The following PAM variants were observed in gnomAD, a reference collection of about 807,000 sequenced individuals.
The protein encoded by PAM is peptidyl-glycine alpha-amidating monooxygenase.
PAM carries 72 observed loss-of-function variants against 122.1 expected under a neutral mutation model. That is an observed-to-expected ratio of 0.59 (90% CI 0.49 to 0.72). The LOEUF is 0.72. Ranked by LOEUF, PAM falls within the 30% of genes least tolerant of loss-of-function variation. The pLI is 0.00. For missense variants in PAM, 1,106 were observed against 1,183.7 expected (o/e 0.93, Z 0.96); for synonymous variants, 389 against 404.4 (o/e 0.96, Z 0.46).
intron 3 of PAM, among the ~76,000 whole-genome samples, chr5:102,892,120 A>G (rs1161149049): frequency 6.6e-6 from 1 of 151,804 alleles, no homozygotes; most frequent in Non-Finnish European, 1.5e-5. Flanking sequence ...CTTCTGGGAA[A>G]GTGTCATTCT....
At chr5:102,875,997 C>G (rs1789058008) in intron 3 of PAM, among the ~76,000 whole-genome samples, 1 of 152,092 alleles carries the variant, frequency 6.6e-6, no homozygotes, top group South Asian at 2.1e-4. Flanking sequence ...ATCTTTGTTC[C>G]TTAGTTACCT....
intron 1 of PAM, among the ~76,000 whole-genome samples, chr5:102,799,467 G>T (rs1263980011): frequency 6.6e-6 from 1 of 152,104 alleles, no homozygotes; most frequent in African/African-American, 2.4e-5. Context: ...TCCAGAGTTG[G>T]ATACACCCAA....
chr5:102,959,897 T>C lies in PAM; in HGVS notation c.928T>C (p.Cys310Arg). Residue 310 changes from cysteine to arginine, a missense_variant, in exon 13 of 26, where the codon TGC (cysteine) becomes CGC (arginine). By Grantham distance (180) the Cys-to-Arg change is radical (BLOSUM62 -3). Around this residue, in one of 3 missense-constraint regions of PAM, gnomAD observed 670 missense variants for 690.3 expected, o/e 0.97. Coordinates refer to ENST00000438793, the MANE Select transcript of PAM (RefSeq NM_001177306.2). ...CAGTGGCACGTCTAGTGATGAAATG[T>C]GCAACTTATACATTATGTATTACAT... ...HIGGTSSDEMCNLYIMYYMEA... is the reference protein window; with the variant it reads ...HIGGTSSDEMRNLYIMYYMEA... The C allele has an allele frequency of 6.2e-7, 1 of 1,612,002 alleles. No individual in the cohort carries two copies. The highest frequency in any genetic ancestry group is 8.5e-7 in the Non-Finnish European group (1 of 1,178,578).
chr5:102,984,313 T>C (rs1770998289), intron 15 of PAM, among the ~76,000 whole-genome samples: 1 of 152,182 alleles, frequency 6.6e-6, no homozygotes, highest in Non-Finnish European at 1.5e-5. Context: ...GAGAAAAATA[T>C]AACCCAACTA....
At chr5:102,772,750 C>T (rs555779817) in intron 1 of PAM, among the ~76,000 whole-genome samples, 1 of 152,070 alleles carries the variant, frequency 6.6e-6, no homozygotes, top group South Asian at 2.1e-4. Context: ...TGAGAAATTA[C>T]ATTAATTTAT....
intron 1 of PAM, among the ~76,000 whole-genome samples, chr5:102,767,866 G>T (rs1160597237): frequency 6.6e-6 from 1 of 152,150 alleles, no homozygotes; most frequent in Non-Finnish European, 1.5e-5. Flanking sequence ...CTCTCAAGTA[G>T]ATGTTGGAAA....
At chr5:102,814,574 T>C (rs1209568180) in intron 1 of PAM, among the ~76,000 whole-genome samples, 1 of 146,298 alleles carries the variant, frequency 6.8e-6, no homozygotes, top group Admixed American at 6.8e-5. Context: ...TATATACATA[T>C]ATTGATATAT....
chr5:102,942,542 A>C (rs1755611986), intron 7 of PAM, among the ~76,000 whole-genome samples: 1 of 151,962 alleles, frequency 6.6e-6, no homozygotes, highest in African/African-American at 2.4e-5. Context: ...GGAGGGTGGG[A>C]AGATACGATA....
Position 102,949,965 on chromosome 5 carries a change from C to T in PAM, c.788C>T (p.Pro263Leu). Residue 263 changes from proline to leucine, a missense_variant, in exon 11 of 26, where the codon CCT (proline) becomes CTT (leucine). Pro to Leu is a moderately conservative substitution (Grantham distance 98). Transcript: ENST00000438793. ...TGGACACTGATTGGACGGCAGAGCC[C>T]TCAGCTGCCACAGGTGGGTAAAATC... Reference protein sequence around the residue: ...GQWTLIGRQSPQLPQAFYPVG... With the variant: ...GQWTLIGRQSLQLPQAFYPVG... The T allele has an allele frequency of 6.4e-7, 1 of 1,567,492 alleles. No individual in the cohort carries two copies. The highest frequency in any genetic ancestry group is 8.8e-7 in the Non-Finnish European group (1 of 1,138,510).
chr5:102,948,187 A>G (rs755388952), intron 8 of PAM, among the ~76,000 whole-genome samples, 191 bp from the exon 9 acceptor site: 4 of 152,204 alleles, frequency 2.6e-5, no homozygotes, highest in Non-Finnish European at 4.4e-5. Context: ...TAGCTATCAC[A>G]GGAACCATTT....
chr5:102,966,743 C>T (rs1385831657), intron 14 of PAM, among the ~76,000 whole-genome samples: 1 of 152,116 alleles, frequency 6.6e-6, no homozygotes, highest in Non-Finnish European at 1.5e-5. Context: ...ATCATGTTAA[C>T]TTGGTTACTT....
At chr5:102,901,514 T>A (rs1218507651) in intron 4 of PAM, 101 bp downstream of exon 4, 1 of 701,394 alleles carries the variant, frequency 1.4e-6, no homozygotes, top group Admixed American at 2.2e-5. Context: ...ATTAATCTTT[T>A]ACTGTCAGTT....
intron 1 of PAM, among the ~76,000 whole-genome samples, chr5:102,778,171 C>A (rs557313961): frequency 6.6e-6 from 1 of 152,202 alleles, no homozygotes; most frequent in Non-Finnish European, 1.5e-5. Context: ...CTCACCTCCC[C>A]ACATGTATTT....
At chr5:102,782,380 CA>C (rs1192090649) in intron 1 of PAM, among the ~76,000 whole-genome samples, 1 of 152,040 alleles carries the variant, frequency 6.6e-6, no homozygotes, top group Non-Finnish European at 1.5e-5. Flanking sequence ...GTTTTCCCCC[CA>C]GAGGAAGGAG....
chr5:102,823,989 C>T (rs530631296), intron 1 of PAM, among the ~76,000 whole-genome samples: 1 of 152,226 alleles, frequency 6.6e-6, no homozygotes, highest in East Asian at 1.9e-4. Flanking sequence ...GTTTATTAAA[C>T]ATTAATTCAG....
At chr5:102,895,904 AT>A (rs1045504140) in intron 3 of PAM, 4 of 151,742 alleles carry the variant, frequency 2.6e-5, no homozygotes, top group African/African-American at 4.8e-5. Context: ...AGATTGACTG[AT>A]TCCGTATTCA....
At chr5:102,865,354 T>G (rs2150938682) in intron 1 of PAM, 1 of 152,400 alleles carries the variant, frequency 6.6e-6, no homozygotes, top group African/African-American at 2.4e-5. Flanking sequence ...AGTCTTTTTC[T>G]ATCTGATTAC....
At chr5:102,863,426 C>G (rs537524246) in intron 1 of PAM, among the ~76,000 whole-genome samples, 23 of 152,180 alleles carry the variant, frequency 1.5e-4, no homozygotes, top group African/African-American at 5.3e-4. Flanking sequence ...TTTTTTCTTG[C>G]CCTCCTTTTG....
At chr5:103,025,079 G>A (rs1366956297) in intron 23 of PAM, 52 bp from the exon 24 acceptor site, 2 of 1,331,714 alleles carry the variant, frequency 1.5e-6, no homozygotes, top group East Asian at 2.3e-5. Context: ...GGGTAAGGGG[G>A]TTTTGAAATC....
Sources: gnomAD v4.1 joint callset for allele counts (sites outside exome capture counted in the v4.1 genomes callset) on GRCh38, gnomAD v4.1.1 for gene constraint, gnomAD v4.1.1 regional missense constraint, MANE v1.5 for transcripts, NCBI Gene and HGNC (gene_info 2026-07-23, HGNC 2026-07-21) for gene names.